Variants in CDH13 observed in about 807,000 individuals in gnomAD.
The protein encoded by CDH13 is cadherin-13.
A neutral mutation model predicts 63.8 loss-of-function variants in CDH13; 24 were observed. The observed-to-expected ratio is 0.38, with a 90% CI of 0.27 to 0.53. The LOEUF (loss-of-function observed/expected upper bound fraction) is 0.53. CDH13 is among the 20% of genes least tolerant of loss of function. The pLI, the probability that CDH13 is intolerant of heterozygous loss-of-function variation, is 0.85. For synonymous variants in CDH13, 503 were observed against 355.3 expected, an observed-to-expected ratio of 1.42 and a Z score of -4.67; for missense variants, 1,049 against 903.1, an observed-to-expected ratio of 1.16 and a Z score of -2.07.
chr16:83,323,106 G>C (rs549655262), intron 5 of CDH13, among the ~76,000 whole-genome samples: 7 of 151,994 alleles, frequency 4.6e-5, no homozygotes, highest in South Asian at 2.1e-4. Flanking sequence ...GAATCAATCA[G>C]CTACACCTGT....
intron 2 of CDH13, among the ~76,000 whole-genome samples, chr16:82,887,701 G>A (rs565339537): frequency 6.6e-6 from 1 of 152,210 alleles, no homozygotes; most frequent in Admixed American, 6.5e-5. Flanking sequence ...CACACCTGTA[G>A]TCCCAGCTAC....
At chr16:83,323,867 T>G (rs960760145) in intron 5 of CDH13, among the ~76,000 whole-genome samples, 2 of 152,136 alleles carry the variant, frequency 1.3e-5, no homozygotes, top group South Asian at 2.1e-4. Context: ...AAATCTGAGA[T>G]AGTTATTTCC....
At chr16:83,503,976 G>C (rs371560763) in intron 7 of CDH13, among the ~76,000 whole-genome samples, 2 of 151,968 alleles carry the variant, frequency 1.3e-5, no homozygotes, top group Admixed American at 6.6e-5. Context: ...CAAGGGAAGG[G>C]ACAGCATTAG....
At chr16:83,746,241 G>A (rs537971731) in intron 10 of CDH13, among the ~76,000 whole-genome samples, 1 of 152,246 alleles carries the variant, frequency 6.6e-6, no homozygotes, top group African/African-American at 2.4e-5. Flanking sequence ...GAGGTCTAGG[G>A]GAGGGTCCTT....
chr16:83,017,794 G>A (rs1374071132), intron 2 of CDH13, among the ~76,000 whole-genome samples: 4 of 152,244 alleles, frequency 2.6e-5, no homozygotes, highest in South Asian at 2.1e-4. Flanking sequence ...GAACCAACAC[G>A]CTTTGATGCC....
intron 5 of CDH13, among the ~76,000 whole-genome samples, chr16:83,311,684 T>A (rs2090003630): frequency 6.6e-6 from 1 of 152,236 alleles, no homozygotes; most frequent in Non-Finnish European, 1.5e-5. Flanking sequence ...CCAATTAGTC[T>A]GACTCAAGGC....
chr16:82,961,558 A>G (rs1246654237), intron 2 of CDH13, among the ~76,000 whole-genome samples: 3 of 144,924 alleles, frequency 2.1e-5, no homozygotes, highest in Non-Finnish European at 4.4e-5. Flanking sequence ...GTCCATAAGA[A>G]TAAGCAGGGG....
At chr16:83,423,783 C>G (rs888931745) in intron 6 of CDH13, among the ~76,000 whole-genome samples, 1 of 152,204 alleles carries the variant, frequency 6.6e-6, no homozygotes, top group African/African-American at 2.4e-5. Flanking sequence ...TGCAAGTCCC[C>G]TTGTCCCTGT....
chr16:83,019,902 T>C (rs570252403), intron 2 of CDH13, among the ~76,000 whole-genome samples: 2 of 151,968 alleles, frequency 1.3e-5, no homozygotes, highest in South Asian at 4.2e-4. Context: ...AGCATAGTTG[T>C]TTATTATCAT....
intron 7 of CDH13, among the ~76,000 whole-genome samples, chr16:83,506,946 C>T (rs932987280): frequency 5.3e-5 from 8 of 152,204 alleles, no homozygotes; most frequent in South Asian, 4.1e-4. Context: ...CACAGCTGAG[C>T]AGCTTCCATA....
intron 2 of CDH13, among the ~76,000 whole-genome samples, chr16:82,971,963 C>A (rs1260780720): frequency 3.9e-5 from 6 of 152,180 alleles, no homozygotes; most frequent in African/African-American, 1.4e-4. Flanking sequence ...ACTTGAGGCA[C>A]TAACCCTCTA....
At chr16:83,121,626 A>G (rs770427698) in intron 3 of CDH13, among the ~76,000 whole-genome samples, 1 of 152,192 alleles carries the variant, frequency 6.6e-6, no homozygotes, top group African/African-American at 2.4e-5. Flanking sequence ...AACAAACCCA[A>G]ATGTAACTTT....
At chr16:82,875,760 C>A (rs551669178) in intron 2 of CDH13, among the ~76,000 whole-genome samples, 1 of 152,152 alleles carries the variant, frequency 6.6e-6, no homozygotes, top group Non-Finnish European at 1.5e-5. Context: ...GAGAAACTAG[C>A]TATTTGCATG....
At chr16:82,826,012 C>G (rs552082167) in intron 1 of CDH13, 21 of 151,832 alleles carry the variant, frequency 1.4e-4, no homozygotes, top group African/African-American at 4.4e-4. Context: ...CCCCACCACA[C>G]CGAGCTAATT....
At chr16:83,090,586 A>AAT (rs1555582901) in intron 3 of CDH13, among the ~76,000 whole-genome samples, 1 of 149,864 alleles carries the variant, frequency 6.7e-6, no homozygotes, top group Non-Finnish European at 1.5e-5. Flanking sequence ...AAAAAAAAAA[A>AAT]AAAATAAGTG....
At chr16:83,727,752 A>G (rs55777500) in intron 10 of CDH13, among the ~76,000 whole-genome samples, 56,381 of 151,848 alleles carry the variant, frequency 0.37, 13,225 homozygotes, top group East Asian at 0.8. Flanking sequence ...CAGGAGGACT[A>G]AGGACCAAAC....
chr16:83,120,218 T>C (rs940325390), intron 3 of CDH13, among the ~76,000 whole-genome samples: 3 of 152,154 alleles, frequency 2.0e-5, no homozygotes, highest in African/African-American at 7.2e-5. Context: ...ATTAACACAA[T>C]TGTGCCACTT....
intron 6 of CDH13, among the ~76,000 whole-genome samples, chr16:83,480,193 A>G (rs1186501158): frequency 1.3e-5 from 2 of 152,134 alleles, no homozygotes; most frequent in African/African-American, 2.4e-5. Context: ...GTGCGCACCT[A>G]TAGTCCCAGC....
intron 6 of CDH13, among the ~76,000 whole-genome samples, chr16:83,437,332 G>C (rs77019005): frequency 1.3e-5 from 2 of 152,062 alleles, no homozygotes; most frequent in Non-Finnish European, 2.9e-5. Flanking sequence ...TCCATAAAGC[G>C]TTTAGAACAG....
Sources: allele counts gnomAD v4.1 joint callset (sites outside exome capture counted in the v4.1 genomes callset), GRCh38; gene constraint gnomAD v4.1.1; transcripts MANE v1.5; gene names NCBI Gene and HGNC (gene_info 2026-07-23, HGNC 2026-07-21).